MEI4: variants seen among roughly 807,000 people sequenced by gnomAD.
MEI4 encodes the protein meiotic double-stranded break formation protein 4, also known as meiosis-specific protein MEI4.
A neutral mutation model predicts 31.4 loss-of-function variants in MEI4; 27 were observed. The ratio of observed to expected loss-of-function variants is 0.86; its 90% CI spans 0.63 to 1.19. The LOEUF is 1.19. Among genes scored for constraint, MEI4 ranks in the 50% most tolerant of loss-of-function variants. The pLI is 0.00. For missense variants in MEI4, 329 were observed against 398.9 expected, an observed-to-expected ratio of 0.82 and a Z score of 1.49; for synonymous variants, 122 against 145.4, an observed-to-expected ratio of 0.84 and a Z score of 1.16.
chr6:77,736,813 A>C (rs1767251917), intron 2 of MEI4, among the ~76,000 whole-genome samples: 1 of 152,066 alleles, frequency 6.6e-6, no homozygotes, highest in African/African-American at 2.4e-5. Flanking sequence ...AAAGATACTA[A>C]CGTTCAGAGG....
intron 4 of MEI4, among the ~76,000 whole-genome samples, chr6:77,893,269 T>A (rs573080240): frequency 6.6e-6 from 1 of 152,224 alleles, no homozygotes; most frequent in Non-Finnish European, 1.5e-5. Context: ...CCATTTTTTT[T>A]AACGTGTGTA....
rs578014620 is a variant in MEI4 at position 77,733,816 on chromosome 6, T to C, written c.233-27314T>C. 4.6e-5 allele frequency among the ~76,000 whole-genome samples: 7 copies of C among 152,172 alleles called. No homozygotes were observed. The South Asian group carries it at 1.0e-3, about 23-fold the overall frequency. On this transcript the variant is annotated intron_variant, in intron 2 of 4. Transcript: ENST00000684080. ...TGCTTTGAATGTGTCCCAGAGATTC[T>C]GGTATGTTGTATGTTTGTTCTTATT...
At chr6:77,781,942 G>T (rs9443470) in intron 3 of MEI4, among the ~76,000 whole-genome samples, 1 of 151,978 alleles carries the variant, frequency 6.6e-6, no homozygotes, top group East Asian at 1.9e-4. Flanking sequence ...TCTCTGCAAT[G>T]GTTACCCACC....
chr6:77,860,365 C>G (rs541226474), intron 4 of MEI4, among the ~76,000 whole-genome samples: 1 of 152,152 alleles, frequency 6.6e-6, no homozygotes, highest in Non-Finnish European at 1.5e-5. Flanking sequence ...GAAAGTGGAG[C>G]CATAATGTAG....
chr6:77,818,266 A>G (rs1769735469), intron 3 of MEI4, among the ~76,000 whole-genome samples: 1 of 152,182 alleles, frequency 6.6e-6, no homozygotes, highest in South Asian at 2.1e-4. Context: ...GTTTTAGATT[A>G]TATCTGAAAA....
At chr6:77,849,416 G>A (rs989040526) in intron 4 of MEI4, among the ~76,000 whole-genome samples, 1 of 152,136 alleles carries the variant, frequency 6.6e-6, no homozygotes, top group African/African-American at 2.4e-5. Flanking sequence ...TAAGGTGCCT[G>A]TGTGTGTGAG....
intron 4 of MEI4, among the ~76,000 whole-genome samples, chr6:77,899,224 A>G (rs915569907): frequency 1.2e-4 from 18 of 152,166 alleles, no homozygotes; most frequent in African/African-American, 4.1e-4. Flanking sequence ...GATCTCTTTA[A>G]CCAACATTAG....
Position 77,866,917 on chromosome 6 carries a change from C to T in MEI4, c.900+37855C>T, listed in dbSNP as rs544490610. On this transcript the variant is annotated intron_variant, in intron 4 of 4. Transcript: ENST00000684080. ...AGAACAGAGCTCTCAGAAATAATGC[C>T]GCATATCTACAACCATCTGATCTTT... 7.9e-5 allele frequency among the ~76,000 whole-genome samples: 12 copies of T among 152,222 alleles called. No homozygotes were observed. The South Asian group carries it at 1.9e-3, about 24-fold the overall frequency.
At chr6:77,800,702 G>A (rs1318157678) in intron 3 of MEI4, among the ~76,000 whole-genome samples, 2 of 149,654 alleles carry the variant, frequency 1.3e-5, no homozygotes, top group Non-Finnish European at 3.0e-5. Flanking sequence ...TTAGCATGAA[G>A]TGCTGTTGAA....
At chr6:77,666,880 T>TGTGTGCGTGC (rs1554208081) in intron 1 of MEI4, among the ~76,000 whole-genome samples, 1 of 147,566 alleles carries the variant, frequency 6.8e-6, no homozygotes, top group African/African-American at 2.5e-5. Context: ...TGTGTGTGTG[T>TGTGTGCGTGC]GTGCGTGCGT....
At chr6:77,811,789 A>T (rs1849442) in intron 3 of MEI4, among the ~76,000 whole-genome samples, 77,150 of 150,184 alleles carry the variant, frequency 0.51, 20,826 homozygotes, top group East Asian at 0.75. Context: ...AAAAAAAAAA[A>T]TTGATACTTT....
rs1032384872 is a variant in MEI4 at position 77,925,096 on chromosome 6, A to AAGAT, written c.*1751_*1754dup. On this transcript the variant is annotated 3_prime_UTR_variant, in exon 5 of 5. Coordinates refer to ENST00000684080, the MANE Select transcript of MEI4 (RefSeq NM_001322247.2). ...TCATCTTCTTTCATTGTGATTAAACAAGATTGGTAAATACACAAGTATCAG... is the reference window on the plus strand; with the variant it reads ...TCATCTTCTTTCATTGTGATTAAACAAGATAGATTGGTAAATACACAAGTATCAG... 3.3e-5 allele frequency: 5 copies of AAGAT among 151,878 alleles called. No homozygotes were observed. Among genetic ancestry groups the AAGAT allele is most frequent in the African/African-American group, 9.7e-5 (4 of 41,410 alleles). 9.4% of individuals were successfully genotyped at this position (151,878 alleles called of 1,614,324 possible).
intron 4 of MEI4, among the ~76,000 whole-genome samples, chr6:77,835,428 A>G (rs1463218137): frequency 1.3e-5 from 2 of 151,100 alleles, no homozygotes; most frequent in Non-Finnish European, 1.5e-5. Flanking sequence ...AAAGAAGAGA[A>G]AAAAGCTCCC....
intron 2 of MEI4, among the ~76,000 whole-genome samples, chr6:77,697,103 G>A (rs554394330): frequency 4.6e-5 from 7 of 152,044 alleles, no homozygotes; most frequent in Non-Finnish European, 8.8e-5. Flanking sequence ...CTGTGTGATC[G>A]GTGGTGTTAT....
intron 2 of MEI4, among the ~76,000 whole-genome samples, chr6:77,735,539 A>T (rs1767167965): frequency 2.6e-5 from 4 of 151,766 alleles, no homozygotes; most frequent in Admixed American, 2.0e-4. Context: ...ATTCTTCTAA[A>T]TTTTTTTCAA....
At chr6:77,748,919 G>A (rs1207537128) in intron 2 of MEI4, among the ~76,000 whole-genome samples, 1 of 152,296 alleles carries the variant, frequency 6.6e-6, no homozygotes, top group African/African-American at 2.4e-5. Flanking sequence ...AGCTTCCAGA[G>A]AAAGGAACAG....
At chr6:77,804,582 G>C (rs1433008595) in intron 3 of MEI4, among the ~76,000 whole-genome samples, 2 of 152,030 alleles carry the variant, frequency 1.3e-5, no homozygotes, top group Non-Finnish European at 2.9e-5. Context: ...GTTCCTATTT[G>C]GCCATCTTGC....
chr6:77,678,547 A>C (rs1768887554), intron 1 of MEI4, among the ~76,000 whole-genome samples: 1 of 9,156 alleles, frequency 1.1e-4, no homozygotes, highest in Non-Finnish European at 1.7e-4. Flanking sequence ...GTAACTTAGG[A>C]GCCATCAATG....
chr6:77,657,649 T>C (rs2127641104), intron 1 of MEI4, among the ~76,000 whole-genome samples: 2 of 152,296 alleles, frequency 1.3e-5, no homozygotes, highest in Admixed American at 1.3e-4. Flanking sequence ...TTTCCAGCTG[T>C]CTACTTTAAG....
Sources: gnomAD v4.1 joint callset for allele counts (sites outside exome capture counted in the v4.1 genomes callset) on GRCh38, gnomAD v4.1.1 for gene constraint, MANE v1.5 for transcripts, NCBI Gene and HGNC (gene_info 2026-07-23, HGNC 2026-07-21) for gene names.